STXBP5L: variants seen among roughly 807,000 people sequenced by gnomAD.
STXBP5L encodes the protein syntaxin-binding protein 5-like.
Under a neutral mutation model 144.5 loss-of-function variants are expected in STXBP5L, and 65 were observed. The observed-to-expected ratio is 0.45, with a 90% CI of 0.37 to 0.55. The LOEUF is 0.55. STXBP5L is among the 20% of genes least tolerant of loss of function. The probability of loss-of-function intolerance (pLI) is 0.00; values close to 1 mark genes in which losing one functional copy is unlikely to be tolerated. For missense variants in STXBP5L, 1,298 were observed against 1,405.5 expected (o/e 0.92, Z 1.22); for synonymous variants, 505 against 469.6 (o/e 1.08, Z -0.97).
At chr3:121,285,567 C>T (rs373920852) in intron 19 of STXBP5L, among the ~76,000 whole-genome samples, 12 of 151,946 alleles carry the variant, frequency 7.9e-5, no homozygotes, top group African/African-American at 2.4e-4. Flanking sequence ...AATTACCAAG[C>T]GGCAAAACTT....
intron 3 of STXBP5L, among the ~76,000 whole-genome samples, chr3:120,961,213 G>A (rs1339552409): frequency 3.8e-5 from 5 of 130,854 alleles, no homozygotes; most frequent in East Asian, 2.1e-4. Context: ...TTTTTCCCCC[G>A]TGATACATCT....
intron 7 of STXBP5L, among the ~76,000 whole-genome samples, chr3:121,147,881 C>T (rs1464286726): frequency 6.6e-6 from 1 of 152,074 alleles, no homozygotes; most frequent in African/African-American, 2.4e-5. Context: ...CTTTTTCCTG[C>T]CTTTGGACTC....
chr3:121,306,918 C>A (rs771388935), intron 19 of STXBP5L, among the ~76,000 whole-genome samples: 1 of 152,070 alleles, frequency 6.6e-6, no homozygotes, highest in Admixed American at 6.6e-5. Flanking sequence ...AAATAATAGA[C>A]CAATTACCCA....
chr3:121,193,452 C>T (rs2047788393), intron 9 of STXBP5L, among the ~76,000 whole-genome samples: 1 of 150,874 alleles, frequency 6.6e-6, no homozygotes, highest in African/African-American at 2.4e-5. Flanking sequence ...TACCATTTGA[C>T]CCAGCCATCC....
chr3:120,925,082 A>G (rs1291710129), intron 2 of STXBP5L: 1 of 152,222 alleles, frequency 6.6e-6, no homozygotes, highest in East Asian at 1.9e-4. Context: ...AGGAGAAATA[A>G]GAGGGTATAT....
chr3:121,232,925 G>A (rs945101321), intron 11 of STXBP5L, among the ~76,000 whole-genome samples: 2 of 152,094 alleles, frequency 1.3e-5, no homozygotes, highest in African/African-American at 2.4e-5. Flanking sequence ...ATCGGATCCT[G>A]CAGCCTACCA....
chr3:121,396,406 C>T (rs1305677135), intron 22 of STXBP5L, among the ~76,000 whole-genome samples: 1 of 152,162 alleles, frequency 6.6e-6, no homozygotes, highest in African/African-American at 2.4e-5. Flanking sequence ...TTAGTAGAGG[C>T]TGGAATGCCC....
intron 2 of STXBP5L, among the ~76,000 whole-genome samples, chr3:120,952,666 T>TA (rs1474889540): frequency 6.6e-6 from 1 of 152,132 alleles, no homozygotes; most frequent in Non-Finnish European, 1.5e-5. Flanking sequence ...ACCGTTTCTA[T>TA]AGTTCTGACA....
At chr3:121,018,959 G>A (rs1260560658) in intron 3 of STXBP5L, among the ~76,000 whole-genome samples, 1 of 152,196 alleles carries the variant, frequency 6.6e-6, no homozygotes. Flanking sequence ...CAGCTTAGAG[G>A]CTTGTAGCCT....
At chr3:121,366,237 G>A (rs2045861387) in intron 20 of STXBP5L, among the ~76,000 whole-genome samples, 1 of 151,812 alleles carries the variant, frequency 6.6e-6, no homozygotes, top group Non-Finnish European at 1.5e-5. Context: ...GTATACTTTT[G>A]TTGATGTATA....
intron 3 of STXBP5L, among the ~76,000 whole-genome samples, chr3:121,034,563 TCC>T (rs1946622876): frequency 2.6e-5 from 4 of 151,992 alleles, no homozygotes; most frequent in African/African-American, 9.7e-5. Context: ...TATCCATCCA[TCC>T]ATCCATCCAT....
intron 3 of STXBP5L, among the ~76,000 whole-genome samples, chr3:121,031,466 G>A (rs957351886): frequency 3.9e-5 from 6 of 151,954 alleles, no homozygotes; most frequent in African/African-American, 1.4e-4. Flanking sequence ...ATGGAGGCTG[G>A]CAAATCCAAA....
intron 18 of STXBP5L, among the ~76,000 whole-genome samples, chr3:121,278,639 A>G (rs757703933): frequency 2.8e-4 from 43 of 151,890 alleles, no homozygotes; most frequent in Non-Finnish European, 5.0e-4. Context: ...AAAAATTTCA[A>G]TGTACTTTAA....
intron 3 of STXBP5L, among the ~76,000 whole-genome samples, chr3:121,010,530 C>A (rs558552205): frequency 4.0e-5 from 6 of 151,664 alleles, no homozygotes; most frequent in African/African-American, 1.4e-4. Flanking sequence ...CACTGAGCTT[C>A]TCACTAGCAG....
intron 20 of STXBP5L, among the ~76,000 whole-genome samples, chr3:121,332,543 A>ATT (rs1027544609): frequency 6.6e-6 from 1 of 152,020 alleles, no homozygotes; most frequent in Non-Finnish European, 1.5e-5. Context: ...AAAATTTTGA[A>ATT]TTAATTCAAT....
intron 22 of STXBP5L, among the ~76,000 whole-genome samples, chr3:121,400,193 C>T (rs931644717): frequency 2.0e-5 from 3 of 152,188 alleles, no homozygotes; most frequent in Admixed American, 1.3e-4. Context: ...GGGCTTGAAG[C>T]CTCTGCTCAT....
intron 19 of STXBP5L, chr3:121,282,212 T>C: frequency 6.4e-7 from 1 of 1,572,272 alleles, no homozygotes; most frequent in Admixed American, 1.7e-5. Context: ...TTTAGACTTT[T>C]TTTTCTCTTT....
intron 5 of STXBP5L, among the ~76,000 whole-genome samples, chr3:121,101,117 A>G (rs1437199048): frequency 8.0e-6 from 1 of 124,232 alleles, no homozygotes; most frequent in Non-Finnish European, 1.6e-5. Flanking sequence ...CCAAACAAAA[A>G]AAAAGCTCCA....
chr3:121,186,589 A>G (rs2047391799), intron 9 of STXBP5L, among the ~76,000 whole-genome samples: 1 of 152,164 alleles, frequency 6.6e-6, no homozygotes, highest in Non-Finnish European at 1.5e-5. Context: ...TATATGCTGG[A>G]TTACATTTTT....
Sources: allele counts gnomAD v4.1 joint callset (sites outside exome capture counted in the v4.1 genomes callset), GRCh38; gene constraint gnomAD v4.1.1; transcripts MANE v1.5; gene names NCBI Gene and HGNC (gene_info 2026-07-23, HGNC 2026-07-21).